Variants in ATP10A observed in about 807,000 individuals in gnomAD.
ATP10A encodes the protein phospholipid-transporting ATPase VA.
ATP10A carries 111 observed loss-of-function variants against 147.8 expected under a neutral mutation model. The observed-to-expected ratio is 0.75, with a 90% CI of 0.64 to 0.88. The LOEUF (loss-of-function observed/expected upper bound fraction) is 0.88, where lower values mean the gene tolerates loss of function less well. Among genes scored for constraint, ATP10A ranks in the 40% least tolerant of loss-of-function variants. The pLI is 0.00. For synonymous variants in ATP10A, 875 were observed against 841.6 expected (o/e 1.04, Z -0.69); for missense variants, 1,927 against 1,959.0 (o/e 0.98, Z 0.31).
chr15:25,716,203 T>A (rs1901796011), intron 9 of ATP10A, among the ~76,000 whole-genome samples: 1 of 152,126 alleles, frequency 6.6e-6, no homozygotes, highest in Admixed American at 6.5e-5. Flanking sequence ...AGGAGGCCAA[T>A]GTGTCTCCAG....
chr15:25,708,113 T>C lies in ATP10A; in HGVS notation c.2449-11A>G, dbSNP rs760719610. 3.7e-6 allele frequency: 6 copies of C among 1,613,462 alleles called. No individual in the cohort carries two copies. The East Asian group carries it at 1.1e-4, about 30-fold the overall frequency. On this transcript the variant is annotated splice_polypyrimidine_tract_variant and intron_variant, in intron 11 of 20. Transcript: ENST00000555815. ...TTCTTTACTCAGAACCTATGGGAGA[T>C]ACATTGTTGAGTGCTGCACCGGGCG...
chr15:25,682,497 C>CCA (rs1393594795), intron 17 of ATP10A, among the ~76,000 whole-genome samples: 1 of 152,172 alleles, frequency 6.6e-6, no homozygotes, highest in East Asian at 1.9e-4. Context: ...TTCCTGTGGG[C>CCA]CACTTAATTC....
intron 1 of ATP10A, among the ~76,000 whole-genome samples, chr15:25,855,077 A>AC (rs1555481748): frequency 0.015 from 2,214 of 150,648 alleles, 64 homozygotes; most frequent in East Asian, 0.12. Flanking sequence ...AAAAAAAAAA[A>AC]CAGAAAAAAA....
At chr15:25,684,294 G>T (rs552788920) in intron 16 of ATP10A, among the ~76,000 whole-genome samples, 24 of 152,352 alleles carry the variant, frequency 1.6e-4, no homozygotes, top group African/African-American at 5.8e-4. Context: ...GGACATGACA[G>T]TTTAGTGATT....
intron 1 of ATP10A, among the ~76,000 whole-genome samples, chr15:25,798,123 AC>A (rs2140770154): frequency 6.6e-6 from 1 of 152,260 alleles, no homozygotes; most frequent in South Asian, 2.1e-4. Context: ...TACTCCCATC[AC>A]TGGAGTTAAG....
intron 1 of ATP10A, among the ~76,000 whole-genome samples, chr15:25,812,289 C>G (rs1424884778): frequency 6.6e-6 from 1 of 152,182 alleles, no homozygotes; most frequent in Non-Finnish European, 1.5e-5. Context: ...CAGATCCTCA[C>G]CCTGTTAAAA....
intron 1 of ATP10A, among the ~76,000 whole-genome samples, chr15:25,828,929 A>G (rs1463809303): frequency 1.1e-4 from 17 of 152,278 alleles, no homozygotes; most frequent in Admixed American, 1.0e-3. Flanking sequence ...TGTTCACTCA[A>G]AAAGGTAGGC....
chr15:25,756,139 C>A (rs1888395711), intron 2 of ATP10A, among the ~76,000 whole-genome samples: 2 of 152,144 alleles, frequency 1.3e-5, no homozygotes, highest in Admixed American at 1.3e-4. Flanking sequence ...TTTGAGACTG[C>A]AAATTTAGGG....
intron 1 of ATP10A, among the ~76,000 whole-genome samples, chr15:25,829,430 T>C (rs1266075461): frequency 1.3e-5 from 2 of 152,194 alleles, no homozygotes; most frequent in African/African-American, 2.4e-5. Flanking sequence ...TAAATGAGTA[T>C]TGAGTGTTGA....
intron 2 of ATP10A, among the ~76,000 whole-genome samples, chr15:25,750,456 A>G (rs1888086408): frequency 2.6e-5 from 4 of 152,138 alleles, no homozygotes; most frequent in South Asian, 4.1e-4. Flanking sequence ...TGATAAAGGA[A>G]GCCATTCAGG....
chr15:25,815,698 T>C (rs1326105118), intron 1 of ATP10A, among the ~76,000 whole-genome samples: 1 of 104,692 alleles, frequency 9.6e-6, no homozygotes, highest in African/African-American at 3.4e-5. Context: ...TCATTCCATT[T>C]TCTGCACATG....
At chr15:25,747,720 A>G (rs893845738) in intron 2 of ATP10A, among the ~76,000 whole-genome samples, 8 of 152,200 alleles carry the variant, frequency 5.3e-5, no homozygotes, top group Admixed American at 1.3e-4. Context: ...GTTCTTTAAC[A>G]TTAAGCAAAT....
rs534498655 is a variant in ATP10A at position 25,804,350 on chromosome 15, T to C, written c.450-23127A>G. 3.3e-4 allele frequency among the ~76,000 whole-genome samples: 50 copies of C among 151,438 alleles called. 1 individual carries two copies. The highest frequency in any genetic ancestry group is 1.2e-3 in the African/African-American group (48 of 41,234). ...TGTGTGATATGAGGTGTTTATGATGTGACGCTGTGTTTGTGAGTACATAGC... is the reference window on the plus strand; with the variant it reads ...TGTGTGATATGAGGTGTTTATGATGCGACGCTGTGTTTGTGAGTACATAGC... On this transcript the variant is annotated intron_variant, in intron 1 of 20. Transcript: ENST00000555815.
Position 25,679,423 on chromosome 15 carries a change from A to G in ATP10A, c.4418T>C (p.Val1473Ala). The stretch of plus-strand genomic sequence containing the variant: ...TCCTGATCGGCCTGAGTGGGGCTGG[A>G]CAGGAAGTCCACGTCCCGCTTGTCC... ...ADGQAGRGLP[V>A]QPHSGRSGLQ... Residue 1473 changes from valine to alanine, a missense_variant, in exon 21 of 21, where the codon GTC (valine) becomes GCC (alanine). By Grantham distance (64) the Val-to-Ala change is moderately conservative (BLOSUM62 0). Transcript: ENST00000555815. 6.2e-7 allele frequency: 1 copy of G among 1,613,790 alleles called. No homozygotes were observed. The highest frequency in any genetic ancestry group is 1.3e-5 in the African/African-American group (1 of 75,034).
intron 1 of ATP10A, among the ~76,000 whole-genome samples, chr15:25,804,786 A>G (rs1037222361): frequency 2.0e-5 from 3 of 152,220 alleles, no homozygotes; most frequent in Admixed American, 1.3e-4. Context: ...AGCACAAAGT[A>G]GGCCTTTGCT....
chr15:25,691,660 G>A lies in ATP10A; in HGVS notation c.3165+55C>T, dbSNP rs767554162. 566 of 1,578,200 alleles carry A rather than the reference G, an allele frequency of 3.6e-4. 1 individual carries two copies. Among genetic ancestry groups the A allele is most frequent in the Non-Finnish European group, 4.5e-4 (519 of 1,147,400 alleles). ...TCGGGGACAGCCCACAGGGTGACAG[G>A]ACAAGAGGTCAGTAGGGCCAATTGG... On this transcript the variant is annotated intron_variant, in intron 15 of 20. Coordinates refer to ENST00000555815, the MANE Select transcript of ATP10A (RefSeq NM_024490.4).
rs1889570352 is a variant in ATP10A at position 25,775,677 on chromosome 15, G to T, written c.654+5342C>A. Among the ~76,000 whole-genome samples, 2 of 152,238 alleles carry T rather than the reference G, an allele frequency of 1.3e-5. 1 individual carries two copies. The highest frequency in any genetic ancestry group is 4.1e-4 in the South Asian group (2 of 4,838). ...GACAATGACTACTCCCCACAGCGCTGCACAGAGGACGTGGGTGTGGCTGGG... is the reference window on the plus strand; with the variant it reads ...GACAATGACTACTCCCCACAGCGCTTCACAGAGGACGTGGGTGTGGCTGGG... On this transcript the variant is annotated intron_variant, in intron 2 of 20. Coordinates refer to ENST00000555815, the MANE Select transcript of ATP10A (RefSeq NM_024490.4).
At chr15:25,776,278 A>G (rs1889600652) in intron 2 of ATP10A, among the ~76,000 whole-genome samples, 1 of 152,198 alleles carries the variant, frequency 6.6e-6, no homozygotes, top group Admixed American at 6.5e-5. Flanking sequence ...GAGAGACAGC[A>G]GACACCCCAC....
At chr15:25,832,146 A>T (rs1892383838) in intron 1 of ATP10A, among the ~76,000 whole-genome samples, 1 of 152,202 alleles carries the variant, frequency 6.6e-6, no homozygotes, top group Non-Finnish European at 1.5e-5. Context: ...CAGGGGACGT[A>T]AGGACTGGCG....
Sources: allele counts gnomAD v4.1 joint callset (sites outside exome capture counted in the v4.1 genomes callset), GRCh38; gene constraint gnomAD v4.1.1; transcripts MANE v1.5; gene names NCBI Gene and HGNC (gene_info 2026-07-23, HGNC 2026-07-21).